Variants in PAFAH1B1 observed in about 807,000 individuals in gnomAD.
PAFAH1B1 encodes the protein platelet-activating factor acetylhydrolase IB subunit beta.
Under a neutral mutation model 57.5 loss-of-function variants are expected in PAFAH1B1, and 2 were observed. The observed-to-expected ratio is 0.03, with a 90% CI of 0.01 to 0.11. PAFAH1B1 has a LOEUF of 0.11. Among genes scored for constraint, PAFAH1B1 ranks in the 10% least tolerant of loss-of-function variants. PAFAH1B1 has a pLI of 1.00. For missense variants in PAFAH1B1, 257 were observed against 512.0 expected, an observed-to-expected ratio of 0.50 and a Z score of 4.81; for synonymous variants, 152 against 169.6, an observed-to-expected ratio of 0.90 and a Z score of 0.81.
chr17:2,621,605 GTCTTTTTTTTTTTTTTTTTTTTTTTTTT>G (rs2068423056), intron 1 of PAFAH1B1, among the ~76,000 whole-genome samples: 1 of 93,208 alleles, frequency 1.1e-5, no homozygotes. Flanking sequence ...TAGATAATCT[GTCTTTTTTTTTTTTTTTTTTTTTTTTTT>G]TTTTTTTTTT....
chr17:2,615,775 A>G (rs540566493), intron 1 of PAFAH1B1, among the ~76,000 whole-genome samples: 1 of 152,332 alleles, frequency 6.6e-6, no homozygotes, highest in South Asian at 2.1e-4. Flanking sequence ...GTGAAGAAGT[A>G]GTCTTTGAGC....
intron 2 of PAFAH1B1, among the ~76,000 whole-genome samples, chr17:2,652,977 T>C (rs1405643127): frequency 1.3e-5 from 2 of 152,202 alleles, no homozygotes; most frequent in African/African-American, 2.4e-5. Flanking sequence ...ACACATATGT[T>C]TATTGTGGCA....
At chr17:2,653,068 C>T (rs930285294) in intron 2 of PAFAH1B1, among the ~76,000 whole-genome samples, 1 of 152,186 alleles carries the variant, frequency 6.6e-6, no homozygotes, top group African/African-American at 2.4e-5. Context: ...GGTACATATA[C>T]ATCGTGGAAT....
chr17:2,651,364 G>A (rs1333808092), intron 2 of PAFAH1B1, among the ~76,000 whole-genome samples: 1 of 149,236 alleles, frequency 6.7e-6, no homozygotes, highest in Non-Finnish European at 1.5e-5. Flanking sequence ...AACACCTGAG[G>A]TCAGGGGTTC....
chr17:2,668,356 C>T (rs1012453760), intron 5 of PAFAH1B1, among the ~76,000 whole-genome samples: 7 of 151,906 alleles, frequency 4.6e-5, no homozygotes, highest in Non-Finnish European at 7.4e-5. Flanking sequence ...ATAGTAACGA[C>T]GGTTTGGCCT....
rs1230222810 is a variant in PAFAH1B1, at chr17:2,649,435, G to A, written c.32+11115G>A. 4.6e-5 allele frequency among the ~76,000 whole-genome samples: 7 copies of A among 151,958 alleles called. No homozygotes were observed. The East Asian group carries it at 7.7e-4, about 17-fold the overall frequency. ...TAAAAATACAAAAATCTAGCCAGCC[G>A]TGGTGGTGCGCGCCTGTAGTCCCAC... On this transcript the variant is annotated intron_variant, in intron 2 of 10. Transcript: ENST00000397195.
At chr17:2,621,157 GTGCAGGTT>G (rs1358956072) in intron 1 of PAFAH1B1, among the ~76,000 whole-genome samples, 1 of 151,834 alleles carries the variant, frequency 6.6e-6, no homozygotes, top group Admixed American at 6.6e-5. Flanking sequence ...AGGTGTATAT[GTGCAGGTT>G]TGTTACATAG....
intron 1 of PAFAH1B1, among the ~76,000 whole-genome samples, chr17:2,637,704 G>T (rs952602132): frequency 6.6e-6 from 1 of 152,216 alleles, no homozygotes; most frequent in African/African-American, 2.4e-5. Context: ...TGTTCGGCTT[G>T]TGCAGTTCAT....
intron 1 of PAFAH1B1, among the ~76,000 whole-genome samples, chr17:2,617,211 A>G (rs1329813078): frequency 6.6e-6 from 1 of 152,242 alleles, no homozygotes; most frequent in African/African-American, 2.4e-5. Context: ...AAAGCTGTGG[A>G]CCAACTATTT....
Position 2,680,592 on chromosome 17 carries a change from C to A in PAFAH1B1, c.1159+272C>A, listed in dbSNP as rs943438923. 4.6e-5 allele frequency among the ~76,000 whole-genome samples: 7 copies of A among 152,186 alleles called. 1 individual carries two copies. In the South Asian group the frequency reaches 1.5e-3, roughly 32 times the overall value. On this transcript the variant is annotated intron_variant, in intron 10 of 10. Coordinates refer to ENST00000397195, the MANE Select transcript of PAFAH1B1 (RefSeq NM_000430.4). ...CCACAATTTGTGAAGAGGTTACTTA[C>A]CACTCTGATGGGTAATTTTTCTCCC...
At chr17:2,600,811 C>T (rs1452300057) in intron 1 of PAFAH1B1, among the ~76,000 whole-genome samples, 2 of 152,108 alleles carry the variant, frequency 1.3e-5, no homozygotes, top group East Asian at 3.9e-4. Context: ...CTCACTGCAA[C>T]CTCCGCCTCC....
chr17:2,657,034 G>T (rs2068944961), intron 2 of PAFAH1B1, among the ~76,000 whole-genome samples: 1 of 152,090 alleles, frequency 6.6e-6, no homozygotes, highest in African/African-American at 2.4e-5. Context: ...CCATTCTCCT[G>T]CCTCAGCTTC....
intron 2 of PAFAH1B1, among the ~76,000 whole-genome samples, chr17:2,658,148 A>G (rs1198989493): frequency 6.6e-6 from 1 of 152,202 alleles, no homozygotes; most frequent in Non-Finnish European, 1.5e-5. Flanking sequence ...CAGGCCATGC[A>G]GTTTTTTTCT....
At chr17:2,641,079 C>T (rs558816080) in intron 2 of PAFAH1B1, 1 of 152,342 alleles carries the variant, frequency 6.6e-6, no homozygotes, top group African/African-American at 2.4e-5. Context: ...ACAGGCAGCA[C>T]TTATCATTTT....
chr17:2,647,861 G>A (rs939726367), intron 2 of PAFAH1B1, among the ~76,000 whole-genome samples: 6 of 151,992 alleles, frequency 3.9e-5, no homozygotes, highest in African/African-American at 4.8e-5. Flanking sequence ...AAAATTAGCC[G>A]GGCATGGTGG....
intron 2 of PAFAH1B1, among the ~76,000 whole-genome samples, chr17:2,652,975 G>C (rs1471162945): frequency 2.6e-5 from 4 of 152,138 alleles, no homozygotes; most frequent in Non-Finnish European, 2.9e-5. Context: ...GCACACATAT[G>C]TTTATTGTGG....
At chr17:2,642,865 G>A (rs931060252) in intron 2 of PAFAH1B1, among the ~76,000 whole-genome samples, 6 of 151,754 alleles carry the variant, frequency 4.0e-5, no homozygotes, top group Non-Finnish European at 5.9e-5. Flanking sequence ...CTCACTCCCC[G>A]CTGTCCTATC....
intron 1 of PAFAH1B1, chr17:2,613,255 A>G: frequency 5.8e-6 from 1 of 173,838 alleles, no homozygotes. Context: ...GTGTGGCCCC[A>G]CCCCCCACCC....
intron 2 of PAFAH1B1, among the ~76,000 whole-genome samples, chr17:2,660,577 A>C (rs1228608327): frequency 6.6e-6 from 1 of 152,202 alleles, no homozygotes; most frequent in Non-Finnish European, 1.5e-5. Flanking sequence ...CACAAAGGAC[A>C]TGATCTCATT....
Sources: allele counts gnomAD v4.1 joint callset (sites outside exome capture counted in the v4.1 genomes callset), GRCh38; gene constraint gnomAD v4.1.1; transcripts MANE v1.5; gene names NCBI Gene and HGNC (gene_info 2026-07-23, HGNC 2026-07-21).